The following CWC27 variants were observed in gnomAD, a reference collection of about 807,000 sequenced individuals.
CWC27 encodes the protein CWC27 spliceosome associated cyclophilin, also known as spliceosome-associated protein CWC27 homolog.
A neutral mutation model predicts 63.6 loss-of-function variants in CWC27; 47 were observed. The observed-to-expected ratio is 0.74, with a 90% CI of 0.58 to 0.94. The LOEUF (loss-of-function observed/expected upper bound fraction) is 0.94, where lower values mean the gene tolerates loss of function less well. Among genes scored for constraint, CWC27 ranks in the 40% least tolerant of loss-of-function variants. CWC27 has a pLI of 0.00. For missense variants in CWC27, 495 were observed against 554.3 expected (o/e 0.89, Z 1.07); for synonymous variants, 175 against 179.8 (o/e 0.97, Z 0.22).
At chr5:64,978,069 A>G (rs1202412662) in intron 13 of CWC27, among the ~76,000 whole-genome samples, 4 of 152,130 alleles carry the variant, frequency 2.6e-5, no homozygotes, top group Non-Finnish European at 5.9e-5. Flanking sequence ...GCCAAACAGC[A>G]TCTCCCCTGT....
At chr5:64,899,454 T>A (rs1471153561) in intron 11 of CWC27, among the ~76,000 whole-genome samples, 1 of 152,230 alleles carries the variant, frequency 6.6e-6, no homozygotes, top group Non-Finnish European at 1.5e-5. Flanking sequence ...ATCACATTAT[T>A]TGTAAACTAA....
At chr5:64,908,512 GA>G (rs1238976878) in intron 11 of CWC27, among the ~76,000 whole-genome samples, 1 of 152,170 alleles carries the variant, frequency 6.6e-6, no homozygotes, top group East Asian at 1.9e-4. Context: ...TATTGTGTGG[GA>G]GTCTAAGTCT....
intron 7 of CWC27, among the ~76,000 whole-genome samples, chr5:64,792,180 C>T (rs994402066): frequency 6.6e-6 from 1 of 152,090 alleles, no homozygotes; most frequent in Admixed American, 6.6e-5. Flanking sequence ...TCGACTAGTA[C>T]TTGTTAAACT....
intron 1 of CWC27, among the ~76,000 whole-genome samples, chr5:64,769,428 C>A (rs1743159111): frequency 6.6e-6 from 1 of 152,204 alleles, no homozygotes; most frequent in Non-Finnish European, 1.5e-5. Flanking sequence ...CTATTTAATG[C>A]TTTAACCCAA....
At chr5:64,784,214 T>A (rs1294490825) in intron 4 of CWC27, among the ~76,000 whole-genome samples, 2 of 152,226 alleles carry the variant, frequency 1.3e-5, no homozygotes, top group African/African-American at 4.8e-5. Flanking sequence ...GACTTTAGTG[T>A]ATTCCTTCTT....
intron 11 of CWC27, among the ~76,000 whole-genome samples, chr5:64,911,361 G>T (rs1246105287): frequency 1.3e-5 from 2 of 152,156 alleles, no homozygotes; most frequent in African/African-American, 4.8e-5. Context: ...ATTAACTAAG[G>T]CATATGGTTT....
intron 2 of CWC27, among the ~76,000 whole-genome samples, chr5:64,779,325 G>T (rs1475111035): frequency 6.6e-6 from 1 of 152,190 alleles, no homozygotes; most frequent in African/African-American, 2.4e-5. Flanking sequence ...CTAACTCGAT[G>T]ATTGGCTCAA....
chr5:64,782,990 T>A (rs552879228), intron 3 of CWC27, among the ~76,000 whole-genome samples: 1 of 152,354 alleles, frequency 6.6e-6, no homozygotes, highest in South Asian at 2.1e-4. Flanking sequence ...AATTCCTTCC[T>A]AATTTGAGAT....
intron 11 of CWC27, among the ~76,000 whole-genome samples, chr5:64,970,911 G>C (rs187580564): frequency 6.6e-6 from 1 of 151,248 alleles, no homozygotes; most frequent in African/African-American, 2.4e-5. Context: ...ATTACATCTG[G>C]CTTATCGTTT....
intron 11 of CWC27, among the ~76,000 whole-genome samples, chr5:64,964,303 G>A (rs893829556): frequency 3.3e-5 from 5 of 152,172 alleles, no homozygotes; most frequent in African/African-American, 1.2e-4. Context: ...TGATATGTCT[G>A]AGAGGAAATC....
chr5:64,862,896 G>GT (rs1039071052), intron 10 of CWC27, among the ~76,000 whole-genome samples: 3 of 152,116 alleles, frequency 2.0e-5, no homozygotes, highest in Admixed American at 6.5e-5. Context: ...TCTTCTCATT[G>GT]TGTCCTCATG....
intron 13 of CWC27, among the ~76,000 whole-genome samples, chr5:64,997,538 A>G (rs1749655765): frequency 6.6e-6 from 1 of 152,136 alleles, no homozygotes; most frequent in African/African-American, 2.4e-5. Context: ...CATTTCTATA[A>G]TATTTGACTG....
At chr5:64,935,609 A>T (rs1580735819) in intron 11 of CWC27, among the ~76,000 whole-genome samples, 2 of 152,250 alleles carry the variant, frequency 1.3e-5, no homozygotes, top group African/African-American at 4.8e-5. Context: ...CCCATATGAA[A>T]TTTAAGGTAG....
At chr5:64,876,744 A>G (rs1444226812) in intron 10 of CWC27, among the ~76,000 whole-genome samples, 1 of 152,070 alleles carries the variant, frequency 6.6e-6, no homozygotes, top group African/African-American at 2.4e-5. Context: ...TAATAGATAT[A>G]ACTAGAAGTT....
intron 2 of CWC27, among the ~76,000 whole-genome samples, chr5:64,778,077 A>G (rs2169019): frequency 0.52 from 79,418 of 152,088 alleles, 21,424 homozygotes; most frequent in East Asian, 0.85. Context: ...AAGAAAGAAA[A>G]TGGTGAAATT....
chr5:64,994,561 A>G (rs547406576), intron 13 of CWC27, among the ~76,000 whole-genome samples: 1 of 152,316 alleles, frequency 6.6e-6, no homozygotes, highest in South Asian at 2.1e-4. Flanking sequence ...TGAATTTTTG[A>G]CAATTTTATA....
intron 11 of CWC27, among the ~76,000 whole-genome samples, chr5:64,932,217 A>C (rs1229085882): frequency 2.6e-5 from 4 of 152,148 alleles, no homozygotes; most frequent in Non-Finnish European, 5.9e-5. Context: ...CCAAAATCCC[A>C]CAGGTAGAAA....
At chr5:64,897,392 A>T (rs1747404346) in intron 11 of CWC27, among the ~76,000 whole-genome samples, 1 of 152,238 alleles carries the variant, frequency 6.6e-6, no homozygotes, top group Non-Finnish European at 1.5e-5. Flanking sequence ...ACACCATGGA[A>T]TACTATGCAG....
chr5:64,858,704 A>G (rs989325210), intron 10 of CWC27, among the ~76,000 whole-genome samples: 3 of 152,148 alleles, frequency 2.0e-5, no homozygotes, highest in African/African-American at 4.8e-5. Context: ...CCACTATGAG[A>G]TAACACTCAC....
Sources: allele counts gnomAD v4.1 joint callset (sites outside exome capture counted in the v4.1 genomes callset), GRCh38; gene constraint gnomAD v4.1.1; transcripts MANE v1.5; gene names NCBI Gene and HGNC (gene_info 2026-07-23, HGNC 2026-07-21).